The following LRRC37A variants were observed in gnomAD, a reference collection of about 807,000 sequenced individuals.
The protein encoded by LRRC37A is leucine rich repeat containing 37A.
In LRRC37A, 3 loss-of-function variants were observed where a neutral mutation model predicts 35.4. The observed-to-expected ratio is 0.08, with a 90% CI of 0.04 to 0.22. LRRC37A has a LOEUF of 0.22. Among genes scored for constraint, LRRC37A ranks in the 10% least tolerant of loss-of-function variants. The pLI is 1.00. For synonymous variants in LRRC37A, 23 were observed against 215.0 expected (o/e 0.11, Z 7.81); for missense variants, 67 against 565.3 (o/e 0.12, Z 8.94).
chr17:46,288,247 T>A (rs1437007436), upstream of LRRC37A, among the ~76,000 whole-genome samples: 3 of 149,928 alleles, frequency 2.0e-5, no homozygotes, highest in Non-Finnish European at 4.4e-5. Flanking sequence ...GCTCACATGA[T>A]CCTCCCACCT....
the LRRC37A span, chr17:46,268,564 T>C: frequency 4.6e-6 from 7 of 1,514,922 alleles, no homozygotes; most frequent in Non-Finnish European, 6.2e-6. Flanking sequence ...CCTACAGCTC[T>C]GCTCCAGGTC....
At chr17:46,327,430 CA>C (rs750276868) in intron 7 of LRRC37A, among the ~76,000 whole-genome samples, 2 of 13,730 alleles carry the variant, frequency 1.5e-4, no homozygotes, top group African/African-American at 2.0e-4. Flanking sequence ...TACAAAAGTA[CA>C]AAAAAAAAAA....
At chr17:46,268,202 A>G in the LRRC37A span, among the ~76,000 whole-genome samples, 1 of 152,172 alleles carries the variant, frequency 6.6e-6, no homozygotes. Context: ...TATTTTTAGT[A>G]CAGATGGGGT....
intron 7 of LRRC37A, among the ~76,000 whole-genome samples, chr17:46,325,542 G>A (rs1598165429): frequency 1.2e-5 from 1 of 81,772 alleles, no homozygotes. Flanking sequence ...GATTGAAGGA[G>A]ACTAAAGAAT....
At chr17:46,292,388 G>A (rs182818231), upstream of LRRC37A, among the ~76,000 whole-genome samples, 1 of 79,874 alleles carries the variant, frequency 1.3e-5, no homozygotes, top group African/African-American at 3.2e-5. Context: ...AACATTGCCA[G>A]TATAACCATA....
chr17:46,268,139 T>C, the LRRC37A span, among the ~76,000 whole-genome samples: 1 of 152,186 alleles, frequency 6.6e-6, no homozygotes, highest in African/African-American at 2.4e-5. Flanking sequence ...TGTTCTGTAA[T>C]GTGGGCTGGT....
the LRRC37A span, among the ~76,000 whole-genome samples, chr17:46,254,299 T>C: frequency 7.4e-6 from 1 of 134,552 alleles, no homozygotes; most frequent in Non-Finnish European, 1.8e-5. Context: ...CGGGACTCAG[T>C]GGGTCCAGAG....
chr17:46,336,571 TAA>T (rs1165584039), intron 11 of LRRC37A, among the ~76,000 whole-genome samples: 1 of 448 alleles, frequency 2.2e-3, no homozygotes, highest in African/African-American at 3.0e-3. Context: ...CTGTCTCAAA[TAA>T]AAAAAAAACA....
chr17:46,262,971 G>C, the LRRC37A span, among the ~76,000 whole-genome samples: 1 of 152,184 alleles, frequency 6.6e-6, no homozygotes, highest in African/African-American at 2.4e-5. Context: ...CAAGCACTTT[G>C]TGAGGCCAAG....
chr17:46,261,698 C>A, the LRRC37A span, among the ~76,000 whole-genome samples: 1 of 150,656 alleles, frequency 6.6e-6, no homozygotes, highest in African/African-American at 2.5e-5. Flanking sequence ...CAGGCCCGAG[C>A]CATGGTGCCT....
chr17:46,334,440 CCTTTT>C (rs1411639874), intron 10 of LRRC37A, among the ~76,000 whole-genome samples: 1 of 3,528 alleles, frequency 2.8e-4, no homozygotes, highest in African/African-American at 1.8e-3. Flanking sequence ...CCTTTCCTTT[CCTTTT>C]TTTTCCCTTC....
At chr17:46,268,613 G>GAGC in the LRRC37A span, 3 of 1,554,872 alleles carry the variant, frequency 1.9e-6, no homozygotes, top group African/African-American at 4.2e-5. Flanking sequence ...GACTGCTGAG[G>GAGC]AGCAGCAGCA....
the LRRC37A span, among the ~76,000 whole-genome samples, chr17:46,262,247 G>T: frequency 6.6e-6 from 1 of 152,286 alleles, no homozygotes; most frequent in South Asian, 2.1e-4. Context: ...ACTGCACCGG[G>T]CCTCTCAAAC....
chr17:46,266,552 A>C, the LRRC37A span, among the ~76,000 whole-genome samples: 1 of 152,092 alleles, frequency 6.6e-6, no homozygotes, highest in Non-Finnish European at 1.5e-5. Context: ...GCGGGTGTGG[A>C]GAAGGGGTTA....
intron 3 of LRRC37A, among the ~76,000 whole-genome samples, chr17:46,305,138 G>T: frequency 1.1e-5 from 1 of 92,378 alleles, no homozygotes; most frequent in Non-Finnish European, 2.6e-5. Flanking sequence ...GAAAGTGCTG[G>T]ATTACAGGCC....
the LRRC37A span, among the ~76,000 whole-genome samples, chr17:46,272,044 G>T: frequency 6.6e-6 from 1 of 152,270 alleles, no homozygotes; most frequent in African/African-American, 2.4e-5. Context: ...ATAGGCGTGA[G>T]CCACCATGCC....
At chr17:46,305,090 C>T (rs1171801441) in intron 3 of LRRC37A, among the ~76,000 whole-genome samples, 3 of 80,154 alleles carry the variant, frequency 3.7e-5, no homozygotes, top group Admixed American at 3.3e-4. Flanking sequence ...AGGATGGTCT[C>T]GATATCCTGA....
chr17:46,282,082 T>G, the LRRC37A span, among the ~76,000 whole-genome samples: 1 of 152,212 alleles, frequency 6.6e-6, no homozygotes, highest in Non-Finnish European at 1.5e-5. Context: ...TAGCTGGGCT[T>G]GTCCTTCAGT....
chr17:46,256,410 GA>G, the LRRC37A span, among the ~76,000 whole-genome samples: 39 of 145,940 alleles, frequency 2.7e-4, no homozygotes, highest in African/African-American at 9.3e-4. Flanking sequence ...AAAACAAAAA[GA>G]AAAAAAAAAG....
Sources: gnomAD v4.1 joint callset for allele counts (sites outside exome capture counted in the v4.1 genomes callset) on GRCh38, gnomAD v4.1.1 for gene constraint, MANE v1.5 for transcripts, NCBI Gene and HGNC (gene_info 2026-07-23, HGNC 2026-07-21) for gene names.